Variants in ZMAT1 observed in about 807,000 individuals in gnomAD.
The protein encoded by ZMAT1 is zinc finger matrin-type protein 1.
Under a neutral mutation model 18.5 loss-of-function variants are expected in ZMAT1, and 11 were observed. The ratio of observed to expected loss-of-function variants is 0.59; its 90% CI spans 0.37 to 0.98. The LOEUF is 0.98. Among genes scored for constraint, ZMAT1 ranks in the 50% least tolerant of loss-of-function variants. The pLI, the probability that ZMAT1 is intolerant of heterozygous loss-of-function variation, is 0.01. For synonymous variants in ZMAT1, 211 were observed against 176.4 expected (o/e 1.20, Z -1.55); for missense variants, 525 against 496.2 (o/e 1.06, Z -0.55).
chrX:101,892,044 G>A (rs1340115831), intron 4 of ZMAT1, among the ~76,000 whole-genome samples: 1 of 111,026 alleles, frequency 9.0e-6, no homozygotes, highest in Non-Finnish European at 1.9e-5. Context: ...AATCACAAAG[G>A]AGCTTGTCTG....
At chrX:101,899,729 C>G (rs190576710) in intron 2 of ZMAT1, among the ~76,000 whole-genome samples, 2 of 112,325 alleles carry the variant, frequency 1.8e-5, no homozygotes, top group Admixed American at 9.4e-5. Flanking sequence ...GTTGGTTCCA[C>G]GATTTTGCAA....
At chrX:101,904,075 T>C in intron 2 of ZMAT1, 149 bp downstream of exon 2, 1 of 411,551 alleles carries the variant, frequency 2.4e-6, no homozygotes. Flanking sequence ...ACCATCCCTT[T>C]CTGAGCCAAT....
intron 1 of ZMAT1, among the ~76,000 whole-genome samples, chrX:101,915,350 AAT>A (rs1461950629): frequency 1.1e-4 from 6 of 55,810 alleles, no homozygotes; most frequent in South Asian, 5.2e-4. Flanking sequence ...TCAAACAAAA[AAT>A]ATATATATAT....
chrX:101,884,160 C>T lies in ZMAT1; in HGVS notation c.1438G>A (p.Glu480Lys). ...ACCATTTCTCTGTTCCTGTGTGTTT[C>T]TACAGAGCTATCTCCTATCTTTCTG... The part of the protein sequence containing the change: ...CFRKIGDSSV[E>K]THRNREMVDV... Residue 480 changes from glutamate (E) to lysine (K), a missense_variant, in exon 6 of 6, where the codon GAA becomes AAA. By Grantham distance (56) the Glu-to-Lys change is moderately conservative. Coordinates refer to ENST00000651725, the MANE Select transcript of ZMAT1 (RefSeq NM_001394560.1). 1.7e-6 allele frequency: 2 copies of T among 1,210,730 alleles called. No homozygotes were observed. Among genetic ancestry groups the T allele is most frequent in the Non-Finnish European group, 2.2e-6 (2 of 895,252 alleles).
At position 101,901,820 on chromosome X, in the gene ZMAT1, G is replaced by C. The variant is rs150196085; in HGVS notation, c.399+2404C>G. Among the ~76,000 whole-genome samples the C allele has an allele frequency of 5.1e-3, 566 of 111,965 alleles. 3 individuals are homozygous for C. Among genetic ancestry groups the C allele is most frequent in the African/African-American group, 0.017 (515 of 30,936 alleles). On this transcript the variant is annotated intron_variant, in intron 2 of 5. Transcript: ENST00000651725. ...TTTTAAAACTCAGTATTTTATTTATGAGATTTATTGATATTGATACATATA... is the reference window on the plus strand; with the variant it reads ...TTTTAAAACTCAGTATTTTATTTATCAGATTTATTGATATTGATACATATA...
intron 1 of ZMAT1, among the ~76,000 whole-genome samples, chrX:101,930,842 T>C (rs916740471): frequency 2.7e-5 from 3 of 112,536 alleles, no homozygotes; most frequent in African/African-American, 9.7e-5. Flanking sequence ...GTAGGCTGTT[T>C]ACAAGTATAC....
intron 1 of ZMAT1, among the ~76,000 whole-genome samples, chrX:101,905,998 T>A (rs1382869317): frequency 9.1e-6 from 1 of 110,486 alleles, no homozygotes; most frequent in Non-Finnish European, 1.9e-5. Flanking sequence ...ACTATCAGCA[T>A]CAGCCCCCTA....
intron 1 of ZMAT1, chrX:101,918,758 A>G (rs914353043): frequency 3.6e-5 from 4 of 112,027 alleles, no homozygotes; most frequent in African/African-American, 1.3e-4. Flanking sequence ...AGGTTCAAGA[A>G]TTCCTAAAAT....
At chrX:101,916,398 TAAAATTTAA>T (rs1929334648) in intron 1 of ZMAT1, among the ~76,000 whole-genome samples, 1 of 111,713 alleles carries the variant, frequency 9.0e-6, no homozygotes, top group Non-Finnish European at 1.9e-5. Context: ...GAATTTAAAG[TAAAATTTAA>T]AAAATTTAAA....
intron 4 of ZMAT1, chrX:101,894,865 T>C (rs1927684002): frequency 1.3e-6 from 1 of 748,909 alleles, no homozygotes; most frequent in Non-Finnish European, 1.6e-6. Context: ...GAAGAGAGAA[T>C]ATGAAAGGGG....
Position 101,883,375 on chromosome X carries a change from A to C in ZMAT1, c.*135T>G. On this transcript the variant is annotated 3_prime_UTR_variant, in exon 6 of 6. Coordinates refer to ENST00000651725, the MANE Select transcript of ZMAT1 (RefSeq NM_001394560.1). ...TTTAATTCAATTTAAATTTTTATAC[A>C]AAAAAAACCTAAGTGTCCTGAAGTG... is the stretch of plus-strand genomic sequence containing the variant. 1 of 415,617 alleles carries C rather than the reference A, an allele frequency of 2.4e-6. No individual in the cohort carries two copies. The highest frequency in any genetic ancestry group is 1.1e-4 in the South Asian group (1 of 8,853). 34.3% of individuals were successfully genotyped at this position (415,617 alleles called of 1,213,427 possible).
rs1930087683 is a variant in ZMAT1, at chrX:101,926,869, T to C, written c.292+4848A>G. On this transcript the variant is annotated intron_variant, in intron 1 of 5. Transcript: ENST00000651725. The stretch of plus-strand genomic sequence containing the variant: ...ACTTGCTATTAGATGTTTTAATGCT[T>C]TGCTGAAGTGGGAAGTTCACAGGCC... 2.7e-5 allele frequency among the ~76,000 whole-genome samples: 3 copies of C among 112,346 alleles called. No individual in the cohort carries two copies. In the Admixed American group the frequency reaches 2.8e-4, roughly 11 times the overall value.
At chrX:101,911,831 C>T (rs1041547695) in intron 1 of ZMAT1, 25 of 1,204,000 alleles carry the variant, frequency 2.1e-5, no homozygotes, top group African/African-American at 7.0e-5. Flanking sequence ...AAAGCCCTAT[C>T]GGTGCAATGA....
intron 2 of ZMAT1, among the ~76,000 whole-genome samples, chrX:101,900,803 A>G (rs2147619417): frequency 9.0e-6 from 1 of 111,701 alleles, no homozygotes; most frequent in South Asian, 3.8e-4. Flanking sequence ...TTGGTTCCAT[A>G]TGAAGTTTAG....
At chrX:101,910,047 C>A (rs1233018405) in intron 1 of ZMAT1, among the ~76,000 whole-genome samples, 2 of 112,582 alleles carry the variant, frequency 1.8e-5, no homozygotes, top group African/African-American at 6.4e-5. Flanking sequence ...TTCTGTCAAT[C>A]CATCCCCTGA....
chrX:101,911,930 G>A lies in ZMAT1; in HGVS notation c.293-7600C>T, dbSNP rs892146644. On this transcript the variant is annotated intron_variant, in intron 1 of 5. Transcript: ENST00000651725. ...AAAGTCCCATGGGTGTCACGATTGC[G>A]GAAAGTCCTTTAGGCAGAGCACCCA... 61 of 1,204,381 alleles carry A rather than the reference G, an allele frequency of 5.1e-5. No individual in the cohort carries two copies. In the South Asian group the frequency reaches 6.5e-4, roughly 13 times the overall value.
At chrX:101,926,107 T>C (rs1930037223) in intron 1 of ZMAT1, among the ~76,000 whole-genome samples, 1 of 111,984 alleles carries the variant, frequency 8.9e-6, no homozygotes, top group Admixed American at 9.5e-5. Flanking sequence ...ATTTGGTCTA[T>C]CAAAAAATTC....
Position 101,932,023 on chromosome X carries a change from C to T in ZMAT1, c.-15G>A, listed in dbSNP as rs1353961225. 6.5e-6 allele frequency: 5 copies of T among 764,579 alleles called. No individual in the cohort carries two copies. The East Asian group carries it at 7.5e-4, about 115-fold the overall frequency. The allele number at this position is 764,579 out of a possible 1,213,427, so 63.0% of individuals were successfully genotyped here. Reference sequence around the variant, plus strand: ...GCCGCCGCCATCGCAGCGAGGCGCGCGGACAATTGCACTTGCGTCTCGATT... The same window carrying T: ...GCCGCCGCCATCGCAGCGAGGCGCGTGGACAATTGCACTTGCGTCTCGATT... On this transcript the variant is annotated 5_prime_UTR_variant, in exon 1 of 6. Transcript: ENST00000651725.
intron 4 of ZMAT1, among the ~76,000 whole-genome samples, chrX:101,892,280 G>A (rs1254392080): frequency 9.0e-6 from 1 of 111,288 alleles, no homozygotes; most frequent in Non-Finnish European, 1.9e-5. Flanking sequence ...AAAATGTATA[G>A]GGTGGAACTG....
Sources: allele counts gnomAD v4.1 joint callset (sites outside exome capture counted in the v4.1 genomes callset), GRCh38; gene constraint gnomAD v4.1.1; transcripts MANE v1.5; gene names NCBI Gene and HGNC (gene_info 2026-07-23, HGNC 2026-07-21).